Variants in COLQ observed in about 807,000 individuals in gnomAD.
COLQ encodes collagen like tail subunit of asymmetric acetylcholinesterase, also known as acetylcholinesterase collagenic tail peptide.
Under a neutral mutation model 69.0 loss-of-function variants are expected in COLQ, and 48 were observed. The observed-to-expected ratio is 0.70, with a 90% CI of 0.55 to 0.88. The LOEUF is 0.88. COLQ is among the 40% of genes least tolerant of loss of function. COLQ has a pLI of 0.00. For synonymous variants in COLQ, 217 were observed against 211.2 expected (o/e 1.03, Z -0.24); for missense variants, 618 against 594.6 (o/e 1.04, Z -0.41).
At chr3:15,511,452 G>C (rs2062983139) in intron 1 of COLQ, among the ~76,000 whole-genome samples, 1 of 152,182 alleles carries the variant, frequency 6.6e-6, no homozygotes, top group African/African-American at 2.4e-5. Flanking sequence ...GATACTCTGG[G>C]GAAAGCATTT....
intron 1 of COLQ, among the ~76,000 whole-genome samples, chr3:15,500,693 TTC>T (rs2062818429): frequency 6.6e-6 from 1 of 152,210 alleles, no homozygotes; most frequent in African/African-American, 2.4e-5. Context: ...GTCTCTGTCT[TTC>T]TCTGTCTCTG....
chr3:15,485,172 C>G (rs1055224095), intron 3 of COLQ, among the ~76,000 whole-genome samples: 1 of 152,154 alleles, frequency 6.6e-6, no homozygotes, highest in Admixed American at 6.5e-5. Flanking sequence ...CACTCCAGAC[C>G]CTGTTTGCCT....
At chr3:15,501,607 A>G (rs1443672736) in intron 1 of COLQ, among the ~76,000 whole-genome samples, 1 of 152,216 alleles carries the variant, frequency 6.6e-6, no homozygotes, top group Non-Finnish European at 1.5e-5. Context: ...TCCTCGGCCA[A>G]GCTTTGGTCA....
chr3:15,486,467 G>A (rs983651454), intron 3 of COLQ, among the ~76,000 whole-genome samples: 2 of 152,188 alleles, frequency 1.3e-5, no homozygotes, highest in African/African-American at 4.8e-5. Context: ...GGGCAACACA[G>A]CCTCCACATG....
intron 1 of COLQ, among the ~76,000 whole-genome samples, chr3:15,505,320 G>A (rs763738497): frequency 6.6e-6 from 1 of 152,140 alleles, no homozygotes; most frequent in Non-Finnish European, 1.5e-5. Flanking sequence ...AGGAGGAAAA[G>A]TCTATCCTCA....
chr3:15,452,698 GA>G (rs2061966345), intron 16 of COLQ, among the ~76,000 whole-genome samples: 1 of 152,206 alleles, frequency 6.6e-6, no homozygotes, highest in South Asian at 2.1e-4. Flanking sequence ...CCTTCAGGGA[GA>G]GGGGCACTGC....
intron 1 of COLQ, among the ~76,000 whole-genome samples, chr3:15,502,284 T>G (rs1173208697): frequency 1.3e-5 from 2 of 151,868 alleles, no homozygotes; most frequent in African/African-American, 4.8e-5. Flanking sequence ...CCTGGCTAAT[T>G]TTTTGTATTT....
intron 12 of COLQ, among the ~76,000 whole-genome samples, chr3:15,462,924 G>A (rs2062142493): frequency 1.3e-5 from 2 of 152,214 alleles, no homozygotes; most frequent in Admixed American, 1.3e-4. Context: ...GTCCTCTGAA[G>A]GGTAGAGGGC....
At chr3:15,466,790 C>G (rs1443129411) in intron 11 of COLQ, among the ~76,000 whole-genome samples, 1 of 152,204 alleles carries the variant, frequency 6.6e-6, no homozygotes, top group African/African-American at 2.4e-5. Context: ...AAAGACTTAG[C>G]TCTTTACTGC....
chr3:15,485,697 C>T (rs990934225), intron 3 of COLQ, among the ~76,000 whole-genome samples: 1 of 152,180 alleles, frequency 6.6e-6, no homozygotes, highest in Non-Finnish European at 1.5e-5. Flanking sequence ...GTGGCTTATG[C>T]CTATAATCTC....
At chr3:15,504,478 T>C (rs1303165820) in intron 1 of COLQ, among the ~76,000 whole-genome samples, 4 of 152,210 alleles carry the variant, frequency 2.6e-5, no homozygotes, top group African/African-American at 4.8e-5. Flanking sequence ...CCTCTTCTTA[T>C]AAGAACACCA....
chr3:15,507,229 C>A (rs1224692300), intron 1 of COLQ, among the ~76,000 whole-genome samples: 6 of 152,250 alleles, frequency 3.9e-5, no homozygotes, highest in Non-Finnish European at 8.8e-5. Context: ...AACTAAATAA[C>A]CTTCCACATG....
At chr3:15,487,257 G>C (rs140549705) in intron 3 of COLQ, among the ~76,000 whole-genome samples, 1 of 152,322 alleles carries the variant, frequency 6.6e-6, no homozygotes, top group East Asian at 1.9e-4. Context: ...GCCAACAGGA[G>C]CTGGCCATGA....
chr3:15,469,297 C>T (rs1359257694), intron 11 of COLQ, among the ~76,000 whole-genome samples: 2 of 152,040 alleles, frequency 1.3e-5, no homozygotes, highest in East Asian at 1.9e-4. Flanking sequence ...CAAACACTGC[C>T]CAAGACAGAA....
In COLQ at chr3:15,458,301, C is replaced by G. The variant is rs778156526; in HGVS notation, c.839G>C (p.Gly280Ala). The G allele has an allele frequency of 2.5e-6, 4 of 1,614,020 alleles. No homozygotes were observed. The highest frequency in any genetic ancestry group is 3.4e-6 in the Non-Finnish European group (4 of 1,180,028). The change falls in exon 13 of 17, where the codon GGG becomes GCG. Residue 280 changes from glycine (G) to alanine (A), a missense_variant. Physicochemically the swap from Gly to Ala is moderately conservative, Grantham distance 60. Coordinates refer to ENST00000383788, the MANE Select transcript of COLQ (RefSeq NM_005677.4). ...PAGQLIMGPK[G>A]ERGFPGPPGR... ...TGGAGGCCCGGGAAATCCTCTTTCC[C>G]CTTTGGGTCCCATTATAAGTTGTCC...
rs189819380 is a variant in COLQ at position 15,509,060 on chromosome 3, A to G, written c.106+12460T>C. On this transcript the variant is annotated intron_variant, in intron 1 of 16. Transcript: ENST00000383788. ...ATCTTAATCAATTCAAATGGATTTT[A>G]TTGCTTCAATTAGAAATAAACATTG... Among the ~76,000 whole-genome samples, 6 of 152,312 alleles carry G rather than the reference A, an allele frequency of 3.9e-5. No homozygotes were observed. In the East Asian group the frequency reaches 9.6e-4, roughly 24 times the overall value.
chr3:15,504,394 C>T (rs115489285), intron 1 of COLQ, among the ~76,000 whole-genome samples: 2 of 152,268 alleles, frequency 1.3e-5, no homozygotes, highest in African/African-American at 4.8e-5. Context: ...TTGGGCATGG[C>T]CACCTGCTTG....
At chr3:15,468,733 A>G (rs2062237721) in intron 11 of COLQ, among the ~76,000 whole-genome samples, 1 of 152,150 alleles carries the variant, frequency 6.6e-6, no homozygotes, top group African/African-American at 2.4e-5. Flanking sequence ...TCATGTGGGG[A>G]AAGTTGGTCT....
intron 1 of COLQ, among the ~76,000 whole-genome samples, chr3:15,509,562 G>A (rs1473750975): frequency 6.6e-6 from 1 of 152,206 alleles, no homozygotes; most frequent in Non-Finnish European, 1.5e-5. Context: ...GTTATCAGGT[G>A]TGAGCATCCC....
Sources: allele counts gnomAD v4.1 joint callset (sites outside exome capture counted in the v4.1 genomes callset), GRCh38; gene constraint gnomAD v4.1.1; transcripts MANE v1.5; gene names NCBI Gene and HGNC (gene_info 2026-07-23, HGNC 2026-07-21).